The following TCN1 variants were observed in gnomAD, a reference collection of about 807,000 sequenced individuals.
The protein encoded by TCN1 is transcobalamin-1.
A neutral mutation model predicts 46.3 loss-of-function variants in TCN1; 47 were observed. That is an observed-to-expected ratio of 1.01 (90% CI 0.80 to 1.29). TCN1 has a LOEUF of 1.29. Among genes scored for constraint, TCN1 ranks in the 50% most tolerant of loss-of-function variants. The pLI is 0.00. For missense variants in TCN1, 532 were observed against 511.0 expected (o/e 1.04, Z -0.40); for synonymous variants, 183 against 192.5 (o/e 0.95, Z 0.41).
chr11:59,854,083 T>C (rs945415049), intron 7 of TCN1, among the ~76,000 whole-genome samples: 2 of 151,402 alleles, frequency 1.3e-5, no homozygotes, highest in African/African-American at 2.5e-5. Context: ...AGCTTCAGGG[T>C]ATCTGTGAAA....
At chr11:59,863,481 TATACTA>T (rs1853038752) in intron 2 of TCN1, among the ~76,000 whole-genome samples, 1 of 152,078 alleles carries the variant, frequency 6.6e-6, no homozygotes, top group Admixed American at 6.6e-5. Context: ...CTTTTCCCCT[TATACTA>T]ATTAGAAAAC....
chr11:59,857,379 GT>G (rs1404653753), intron 5 of TCN1, among the ~76,000 whole-genome samples: 1 of 152,146 alleles, frequency 6.6e-6, no homozygotes, highest in Non-Finnish European at 1.5e-5. Context: ...TGGGAAAGCA[GT>G]TTATATTCAG....
chr11:59,855,880 A>G lies in TCN1; in HGVS notation c.926T>C (p.Val309Ala). 1 of 1,613,852 alleles carries G rather than the reference A, an allele frequency of 6.2e-7. No homozygotes were observed. Among genetic ancestry groups the G allele is most frequent in the South Asian group, 1.1e-5 (1 of 91,074 alleles). Residue 309 changes from valine to alanine, a missense_variant, in exon 6 of 9, where the codon GTC (valine) becomes GCC (alanine). Val to Ala is a moderately conservative substitution (Grantham distance 64). Coordinates refer to ENST00000257264, the MANE Select transcript of TCN1 (RefSeq NM_001062.4). ...FLDINKDSSC[V>A]SASGNFNISA... ...TTTAATGCTTATACCTGAAGCAGAG[A>G]CGCAAGAAGAGTCTTTGTTAATATC...
Position 59,852,849 on chromosome 11 carries a change from A to G in TCN1, c.*126T>C, listed in dbSNP as rs1307930598. The G allele has an allele frequency of 3.5e-6, 3 of 857,070 alleles. No individual in the cohort carries two copies. Among genetic ancestry groups the G allele is most frequent in the African/African-American group, 3.3e-5 (2 of 60,362 alleles). 53.1% of individuals were successfully genotyped at this position (857,070 alleles called of 1,614,324 possible). A position where few individuals can be genotyped will look rare whatever the true frequency, so the allele number is the denominator to read the frequency against. On this transcript the variant is annotated 3_prime_UTR_variant, in exon 9 of 9. Coordinates refer to ENST00000257264, the MANE Select transcript of TCN1 (RefSeq NM_001062.4). Reference sequence around the variant, plus strand: ...TCAACAACTTTTATTGAACATGTAGAGAGAGAAGGGGAGGTTATTAACTCT... The same window carrying G: ...TCAACAACTTTTATTGAACATGTAGGGAGAGAAGGGGAGGTTATTAACTCT...
chr11:59,864,206 C>A, intron 1 of TCN1, 120 bp from the exon 2 acceptor site: 2 of 1,134,868 alleles, frequency 1.8e-6, no homozygotes, highest in Middle Eastern at 5.2e-4. Context: ...AATCCAGTGG[C>A]TGCAGACTGT....
intron 2 of TCN1, 103 bp downstream of exon 2, chr11:59,863,804 G>T: frequency 7.7e-7 from 1 of 1,293,004 alleles, no homozygotes; most frequent in Non-Finnish European, 1.1e-6. Context: ...TAGAAGGGAT[G>T]TAGCAGGGAT....
At chr11:59,860,382 G>A (rs999940306) in intron 4 of TCN1, among the ~76,000 whole-genome samples, 8 of 151,766 alleles carry the variant, frequency 5.3e-5, no homozygotes, top group Non-Finnish European at 8.8e-5. Flanking sequence ...ACCCGCCTCG[G>A]CCTCCCAAAG....
chr11:59,861,540 G>T lies in TCN1; in HGVS notation c.543C>A (p.Ser181Arg), dbSNP rs756196612. The T allele has an allele frequency of 6.2e-7, 1 of 1,614,046 alleles. No individual in the cohort carries two copies. The highest frequency in any genetic ancestry group is 1.3e-5 in the African/African-American group (1 of 75,038). Reference sequence around the variant, plus strand: ...TTAGTAACTCACCTACTGAGAACTGGCTACCAAAATAATAGTTTTTATTTT... The same window carrying T: ...TTAGTAACTCACCTACTGAGAACTGTCTACCAAAATAATAGTTTTTATTTT... ...TPENKNYYFG[S>R]QFSVDTGAMA... is the part of the protein sequence containing the mutation. The change falls in exon 4 of 9, where the codon AGC (serine) becomes AGA (arginine). Residue 181 changes from serine to arginine, a missense_variant. Coordinates refer to ENST00000257264, the MANE Select transcript of TCN1 (RefSeq NM_001062.4).
rs757426393 is a variant in TCN1 at position 59,853,038 on chromosome 11, TG to T, written c.1241-3del. 1.2e-6 allele frequency: 2 copies of T among 1,614,102 alleles called. No homozygotes were observed. The highest frequency in any genetic ancestry group is 1.7e-6 in the Non-Finnish European group (2 of 1,179,966). ...TGCGGACAACGTAACTACCAGCTCC[TG>T]AAAAGGAAGAAGAAAGAGAACTGGG... On this transcript the variant is annotated splice_polypyrimidine_tract_variant and splice_region_variant and intron_variant, in intron 8 of 8. Coordinates refer to ENST00000257264, the MANE Select transcript of TCN1 (RefSeq NM_001062.4).
intron 2 of TCN1, 115 bp downstream of exon 2, chr11:59,863,792 A>G (rs1590867790): frequency 1.7e-6 from 2 of 1,183,934 alleles, no homozygotes; most frequent in East Asian, 4.9e-5. Flanking sequence ...GTTTGGTACC[A>G]TTAGAAGGGA....
chr11:59,859,331 G>T, intron 4 of TCN1, 64 bp from the exon 5 acceptor site: 3 of 1,575,066 alleles, frequency 1.9e-6, no homozygotes, highest in Non-Finnish European at 2.6e-6. Context: ...GGGCCGAGAG[G>T]TTTCCTGGGA....
At chr11:59,858,425 G>A (rs1298430042) in intron 5 of TCN1, among the ~76,000 whole-genome samples, 1 of 152,178 alleles carries the variant, frequency 6.6e-6, no homozygotes, top group Non-Finnish European at 1.5e-5. Context: ...TGGATAATGG[G>A]GGGACTACTG....
At chr11:59,865,121 A>G (rs1332252611) in intron 1 of TCN1, among the ~76,000 whole-genome samples, 3 of 152,192 alleles carry the variant, frequency 2.0e-5, no homozygotes, top group African/African-American at 7.2e-5. Context: ...ATACTTGAGA[A>G]TCAAGGAAAT....
rs1376348889 is a variant in TCN1 at position 59,866,378 on chromosome 11, C to G, written c.79+14G>C. On this transcript the variant is annotated intron_variant, in intron 1 of 8. Coordinates refer to ENST00000257264, the MANE Select transcript of TCN1 (RefSeq NM_001062.4). ...CTATCACTCTAGAGTAATTTTAGCTCAAAGTTTACTCACCACAAATCTCGC... is the reference window on the plus strand; with the variant it reads ...CTATCACTCTAGAGTAATTTTAGCTGAAAGTTTACTCACCACAAATCTCGC... 3 of 1,612,796 alleles carry G rather than the reference C, an allele frequency of 1.9e-6. No individual in the cohort carries two copies. The highest frequency in any genetic ancestry group is 2.5e-6 in the Non-Finnish European group (3 of 1,179,168).
rs1303608500 is a variant in TCN1 at position 59,863,945 on chromosome 11, T to C, written c.221A>G (p.Lys74Arg). ...ATTGTATTTGATTTGTTGGATCATC[T>C]TTTGCATCAGGGTTTGGATCTGGAT... Reference protein sequence around the residue: ...VGIQIQTLMQKMIQQIKYNVK... With the variant: ...VGIQIQTLMQRMIQQIKYNVK... Residue 74 changes from lysine (K) to arginine (R), a missense_variant, in exon 2 of 9, where the codon AAG (lysine) becomes AGG (arginine). Physicochemically the swap from Lys to Arg is conservative, Grantham distance 26. Transcript: ENST00000257264. 1.2e-6 allele frequency: 2 copies of C among 1,613,848 alleles called. No homozygotes were observed. The highest frequency in any genetic ancestry group is 1.7e-6 in the Non-Finnish European group (2 of 1,179,846).
chr11:59,864,370 A>G (rs1853050812), intron 1 of TCN1, among the ~76,000 whole-genome samples: 1 of 152,196 alleles, frequency 6.6e-6, no homozygotes, highest in Non-Finnish European at 1.5e-5. Context: ...ATCTAGCATC[A>G]TTCCCTAATT....
intron 6 of TCN1, among the ~76,000 whole-genome samples, 175 bp from the exon 7 acceptor site, chr11:59,855,010 A>C (rs1161143757): frequency 1.3e-5 from 2 of 152,222 alleles, no homozygotes; most frequent in Non-Finnish European, 2.9e-5. Context: ...CTAAAGCAGA[A>C]ACTAAGACCC....
At chr11:59,857,758 C>T (rs146880061) in intron 5 of TCN1, among the ~76,000 whole-genome samples, 182 of 152,158 alleles carry the variant, frequency 1.2e-3, no homozygotes, top group African/African-American at 4.1e-3. Flanking sequence ...TCTCAGACCT[C>T]AAAGAGCATA....
At chr11:59,862,088 A>G (rs1206126748) in intron 3 of TCN1, among the ~76,000 whole-genome samples, 4 of 152,174 alleles carry the variant, frequency 2.6e-5, no homozygotes, top group Non-Finnish European at 5.9e-5. Context: ...TAGAATAAAT[A>G]TTGGGTGGGA....
Sources: gnomAD v4.1 joint callset for allele counts (sites outside exome capture counted in the v4.1 genomes callset) on GRCh38, gnomAD v4.1.1 for gene constraint, MANE v1.5 for transcripts, NCBI Gene and HGNC (gene_info 2026-07-23, HGNC 2026-07-21) for gene names.